Variants in RALYL observed in about 807,000 individuals in gnomAD.
The protein encoded by RALYL is RNA-binding Raly-like protein.
Under a neutral mutation model 35.1 loss-of-function variants are expected in RALYL, and 29 were observed. The ratio of observed to expected loss-of-function variants is 0.83; its 90% confidence interval spans 0.61 to 1.13. The LOEUF is 1.13. Ranked by LOEUF, RALYL falls within the 50% of genes most tolerant of loss-of-function variation. The pLI, the probability that RALYL is intolerant of heterozygous loss-of-function variation, is 0.00. For missense variants in RALYL, 359 were observed against 360.4 expected (o/e 1.00, Z 0.03); for synonymous variants, 120 against 127.6 (o/e 0.94, Z 0.40).
chr8:84,511,280 CTT>C (rs940907181), intron 1 of RALYL, among the ~76,000 whole-genome samples: 1 of 152,172 alleles, frequency 6.6e-6, no homozygotes, highest in Non-Finnish European at 1.5e-5. Flanking sequence ...TGGAGTTAAA[CTT>C]AGGCATTTGC....
intron 2 of RALYL, among the ~76,000 whole-genome samples, chr8:84,695,346 T>C (rs1838915083): frequency 6.6e-6 from 1 of 151,774 alleles, no homozygotes; most frequent in South Asian, 2.1e-4. Flanking sequence ...ATTTCCAAAA[T>C]GTCATGCCCA....
At chr8:84,802,911 A>G (rs1823681910) in intron 3 of RALYL, among the ~76,000 whole-genome samples, 1 of 152,194 alleles carries the variant, frequency 6.6e-6, no homozygotes. Context: ...AGAGGGGGAC[A>G]TGAGAGTCCC....
chr8:84,459,572 C>T (rs2050513009), intron 1 of RALYL, among the ~76,000 whole-genome samples: 1 of 151,690 alleles, frequency 6.6e-6, no homozygotes, highest in African/African-American at 2.4e-5. Flanking sequence ...AGTATATGTC[C>T]TTTGCAATGG....
intron 1 of RALYL, among the ~76,000 whole-genome samples, chr8:84,311,665 A>T (rs72696339): frequency 0.41 from 62,722 of 151,988 alleles, 13,220 homozygotes; most frequent in East Asian, 0.51. Context: ...TTATTTTAGT[A>T]CCTTATGTCA....
At chr8:84,426,436 C>CAGTGTGTG (rs1554662465) in intron 1 of RALYL, among the ~76,000 whole-genome samples, 3 of 130,880 alleles carry the variant, frequency 2.3e-5, no homozygotes, top group Non-Finnish European at 3.3e-5. Context: ...CTCTCTCTCT[C>CAGTGTGTG]TCTGTGTGTG....
chr8:84,675,029 C>A (rs1833933846), intron 2 of RALYL, among the ~76,000 whole-genome samples: 1 of 151,138 alleles, frequency 6.6e-6, no homozygotes, highest in African/African-American at 2.4e-5. Context: ...TGTTAAGTAG[C>A]TCTGAGTTCT....
chr8:84,495,550 A>G (rs1274741863), intron 1 of RALYL, among the ~76,000 whole-genome samples: 2 of 152,110 alleles, frequency 1.3e-5, no homozygotes, highest in Admixed American at 1.3e-4. Context: ...CAGATTTCAT[A>G]ATTTTTCACA....
chr8:84,605,885 T>C (rs1464807061), intron 2 of RALYL, among the ~76,000 whole-genome samples: 1 of 152,092 alleles, frequency 6.6e-6, no homozygotes, highest in Non-Finnish European at 1.5e-5. Flanking sequence ...ATATTTCCAT[T>C]GAAATGCCCC....
chr8:84,653,095 G>A (rs887302105), intron 2 of RALYL, among the ~76,000 whole-genome samples: 20 of 152,060 alleles, frequency 1.3e-4, no homozygotes, highest in Admixed American at 5.3e-4. Context: ...TATGAAACTT[G>A]AGAGTGCGTA....
chr8:84,762,036 T>G (rs943361064), intron 2 of RALYL, among the ~76,000 whole-genome samples: 2 of 151,876 alleles, frequency 1.3e-5, no homozygotes, highest in Middle Eastern at 3.2e-3. Flanking sequence ...GAGACGAAAC[T>G]GCTACAGGGA....
At chr8:84,807,632 G>T (rs1824961665) in intron 4 of RALYL, among the ~76,000 whole-genome samples, 1 of 152,112 alleles carries the variant, frequency 6.6e-6, no homozygotes, top group African/African-American at 2.4e-5. Flanking sequence ...ATTCCCACCA[G>T]CAGTGTAGAA....
intron 1 of RALYL, among the ~76,000 whole-genome samples, chr8:84,265,472 G>C (rs1833109791): frequency 6.6e-6 from 1 of 152,188 alleles, no homozygotes; most frequent in Non-Finnish European, 1.5e-5. Context: ...AGCTGGGACA[G>C]GCCCTCAGCT....
rs576705429 is a variant in RALYL at position 84,575,859 on chromosome 8, G to A, written c.256+46282G>A. On this transcript the variant is annotated intron_variant, in intron 2 of 8. Transcript: ENST00000521268. ...AAGAGAATATTGACTGGGCATAGTGGCGTGCACCTGTAATATCAGGTAATT... is the reference window on the plus strand; with the variant it reads ...AAGAGAATATTGACTGGGCATAGTGACGTGCACCTGTAATATCAGGTAATT... Among the ~76,000 whole-genome samples, 14 of 151,900 alleles carry A rather than the reference G, an allele frequency of 9.2e-5. No individual in the cohort carries two copies. In the South Asian group the frequency reaches 2.5e-3, roughly 27 times the overall value.
intron 2 of RALYL, among the ~76,000 whole-genome samples, chr8:84,542,476 T>C (rs1008950851): frequency 9.2e-5 from 14 of 151,516 alleles, no homozygotes; most frequent in African/African-American, 3.4e-4. Context: ...ATAATCCCCA[T>C]GTATTGTGAG....
chr8:84,681,352 T>G (rs554189171), intron 2 of RALYL, among the ~76,000 whole-genome samples: 2 of 152,332 alleles, frequency 1.3e-5, no homozygotes, highest in South Asian at 4.1e-4. Flanking sequence ...TGCTTCCATA[T>G]GAACATTAAA....
chr8:84,664,673 A>G (rs1260754546), intron 2 of RALYL, among the ~76,000 whole-genome samples: 1 of 151,962 alleles, frequency 6.6e-6, no homozygotes, highest in Non-Finnish European at 1.5e-5. Context: ...TTGAATATTG[A>G]TTTTGTATAT....
At chr8:84,648,859 G>A (rs1323011143) in intron 2 of RALYL, among the ~76,000 whole-genome samples, 1 of 150,974 alleles carries the variant, frequency 6.6e-6, no homozygotes, top group Non-Finnish European at 1.5e-5. Flanking sequence ...AGTGATACAG[G>A]GAACACATGG....
intron 2 of RALYL, among the ~76,000 whole-genome samples, chr8:84,597,934 A>G (rs1814973836): frequency 6.6e-6 from 1 of 152,124 alleles, no homozygotes; most frequent in Non-Finnish European, 1.5e-5. Context: ...TTAAGCACAA[A>G]GACTATTGCA....
intron 4 of RALYL, among the ~76,000 whole-genome samples, chr8:84,848,880 TTCA>T (rs1374416385): frequency 6.6e-6 from 1 of 152,190 alleles, no homozygotes; most frequent in African/African-American, 2.4e-5. Context: ...AGTTACTCCA[TTCA>T]TCATCACATT....
Sources: gnomAD v4.1 joint callset for allele counts (sites outside exome capture counted in the v4.1 genomes callset) on GRCh38, gnomAD v4.1.1 for gene constraint, MANE v1.5 for transcripts, NCBI Gene and HGNC (gene_info 2026-07-23, HGNC 2026-07-21) for gene names.